The following NEGR1 variants were observed in gnomAD, a reference collection of about 807,000 sequenced individuals.
The protein encoded by NEGR1 is neuronal growth regulator 1.
In NEGR1, 10 loss-of-function variants were observed where a neutral mutation model predicts 40.9. That is an observed-to-expected ratio of 0.24 (90% CI 0.15 to 0.42). The LOEUF (loss-of-function observed/expected upper bound fraction) is 0.42. Among genes scored for constraint, NEGR1 ranks in the 10% least tolerant of loss-of-function variants. The probability of loss-of-function intolerance (pLI) is 1.00; values close to 1 mark genes in which losing one functional copy is unlikely to be tolerated. For missense variants in NEGR1, 352 were observed against 438.9 expected, an observed-to-expected ratio of 0.80 and a Z score of 1.77; for synonymous variants, 185 against 166.8, an observed-to-expected ratio of 1.11 and a Z score of -0.84.
chr1:71,843,521 G>T (rs567778602), intron 2 of NEGR1, among the ~76,000 whole-genome samples: 1 of 152,104 alleles, frequency 6.6e-6, no homozygotes, highest in Non-Finnish European at 1.5e-5. Context: ...CAAAGGCCAG[G>T]TCTGTATCCT....
chr1:71,567,508 T>C (rs987990237), intron 6 of NEGR1, among the ~76,000 whole-genome samples: 2 of 152,174 alleles, frequency 1.3e-5, no homozygotes, highest in Non-Finnish European at 2.9e-5. Context: ...GTTATTTATA[T>C]GTAGCTGCTT....
chr1:72,280,582 C>A (rs1656208333), intron 1 of NEGR1, among the ~76,000 whole-genome samples: 1 of 151,904 alleles, frequency 6.6e-6, no homozygotes, highest in Admixed American at 6.6e-5. Flanking sequence ...TCACTGTTAC[C>A]AACAATGAAA....
intron 1 of NEGR1, among the ~76,000 whole-genome samples, chr1:72,235,324 A>C (rs1352947583): frequency 1.3e-5 from 2 of 152,010 alleles, no homozygotes. Flanking sequence ...CTGGAGGGGC[A>C]TTTTGAGGGA....
At chr1:72,209,902 TAAC>T (rs1327489939) in intron 1 of NEGR1, among the ~76,000 whole-genome samples, 1 of 151,902 alleles carries the variant, frequency 6.6e-6, no homozygotes, top group Admixed American at 6.6e-5. Context: ...AATACAATAA[TAAC>T]AACTATTATT....
intron 1 of NEGR1, among the ~76,000 whole-genome samples, chr1:72,199,125 T>C (rs931186861): frequency 5.4e-5 from 8 of 147,340 alleles, no homozygotes; most frequent in Non-Finnish European, 1.0e-4. Flanking sequence ...ATTTAGTACA[T>C]TGGAGATCTA....
chr1:71,603,658 T>TA (rs1464358995), intron 5 of NEGR1, among the ~76,000 whole-genome samples: 1 of 152,172 alleles, frequency 6.6e-6, no homozygotes, highest in East Asian at 1.9e-4. Flanking sequence ...TACCATACTT[T>TA]ACAATAGTTT....
At chr1:71,456,904 G>A (rs2101337572) in intron 6 of NEGR1, among the ~76,000 whole-genome samples, 1 of 152,224 alleles carries the variant, frequency 6.6e-6, no homozygotes, top group East Asian at 1.9e-4. Flanking sequence ...GGGTGAAATG[G>A]GATGAAGAAC....
At chr1:71,778,741 C>G (rs535414294) in intron 2 of NEGR1, among the ~76,000 whole-genome samples, 16 of 152,044 alleles carry the variant, frequency 1.1e-4, no homozygotes, top group Non-Finnish European at 1.0e-4. Context: ...TAATGAAATG[C>G]CATAAGAACA....
intron 6 of NEGR1, among the ~76,000 whole-genome samples, chr1:71,466,410 G>A (rs184941333): frequency 1.3e-5 from 2 of 152,062 alleles, no homozygotes; most frequent in African/African-American, 4.8e-5. Flanking sequence ...CCAAATCCCT[G>A]ACCTCTTGAA....
At chr1:71,911,768 T>C (rs1045748819) in intron 2 of NEGR1, among the ~76,000 whole-genome samples, 2 of 152,342 alleles carry the variant, frequency 1.3e-5, no homozygotes, top group South Asian at 2.1e-4. Flanking sequence ...GAAAGTTTGA[T>C]AGAAGATCGA....
At chr1:72,019,701 A>C in intron 1 of NEGR1, among the ~76,000 whole-genome samples, 1 of 152,170 alleles carries the variant, frequency 6.6e-6, no homozygotes, top group East Asian at 1.9e-4. Flanking sequence ...ACTGTGCCTA[A>C]TTTGCCATAC....
intron 1 of NEGR1, among the ~76,000 whole-genome samples, chr1:72,200,682 T>C (rs182647163): frequency 1.4e-4 from 21 of 152,042 alleles, no homozygotes; most frequent in Admixed American, 1.4e-3. Context: ...AAATATGACA[T>C]GTAGATTTTC....
At chr1:71,613,642 C>G (rs560234943) in intron 4 of NEGR1, among the ~76,000 whole-genome samples, 1 of 144,808 alleles carries the variant, frequency 6.9e-6, no homozygotes, top group Admixed American at 7.0e-5. Context: ...GCAACCAAAG[C>G]GAAACTCCAT....
intron 6 of NEGR1, among the ~76,000 whole-genome samples, chr1:71,492,385 C>T (rs1446584844): frequency 2.0e-5 from 3 of 151,914 alleles, no homozygotes; most frequent in Admixed American, 6.6e-5. Flanking sequence ...ATCAATTAAA[C>T]GTTTATCAAA....
intron 2 of NEGR1, among the ~76,000 whole-genome samples, chr1:71,896,130 C>A (rs921289710): frequency 5.3e-5 from 8 of 150,930 alleles, no homozygotes; most frequent in Admixed American, 2.0e-4. Flanking sequence ...CTCCTCCTCC[C>A]GAGCTCAAGT....
chr1:71,828,422 T>C (rs1413611042), intron 2 of NEGR1, among the ~76,000 whole-genome samples: 1 of 151,956 alleles, frequency 6.6e-6, no homozygotes, highest in Non-Finnish European at 1.5e-5. Context: ...GTATTTTAGG[T>C]TCCTGGGAGC....
intron 1 of NEGR1, among the ~76,000 whole-genome samples, chr1:72,058,832 T>C (rs1304935547): frequency 6.6e-6 from 1 of 151,650 alleles, no homozygotes; most frequent in Admixed American, 6.6e-5. Flanking sequence ...AATGTTCAAA[T>C]TGTTTCCTTT....
At chr1:71,937,892 T>TG (rs1473701984) in intron 1 of NEGR1, among the ~76,000 whole-genome samples, 1 of 152,022 alleles carries the variant, frequency 6.6e-6, no homozygotes, top group African/African-American at 2.4e-5. Context: ...TACCTTTATT[T>TG]GGGGGGTATT....
chr1:72,132,187 A>C (rs1650281502), intron 1 of NEGR1, among the ~76,000 whole-genome samples: 1 of 152,216 alleles, frequency 6.6e-6, no homozygotes, highest in African/African-American at 2.4e-5. Flanking sequence ...TGGAACGGTA[A>C]ACTAATGTGA....
Sources: allele counts gnomAD v4.1 joint callset (sites outside exome capture counted in the v4.1 genomes callset), GRCh38; gene constraint gnomAD v4.1.1; transcripts MANE v1.5; gene names NCBI Gene and HGNC (gene_info 2026-07-23, HGNC 2026-07-21).